Variants in PRRT4 observed in about 807,000 individuals in gnomAD.
The protein encoded by PRRT4 is proline-rich transmembrane protein 4.
Under a neutral mutation model 55.6 loss-of-function variants are expected in PRRT4, and 59 were observed. The observed-to-expected ratio is 1.06, with a 90% CI of 0.86 to 1.32. The LOEUF (loss-of-function observed/expected upper bound fraction) is 1.32, where lower values mean the gene tolerates loss of function less well. Among genes scored for constraint, PRRT4 ranks in the 40% most tolerant of loss-of-function variants. PRRT4 has a pLI of 0.00. For synonymous variants in PRRT4, 606 were observed against 601.8 expected (o/e 1.01, Z -0.10); for missense variants, 1,217 against 1,222.0 (o/e 1.00, Z 0.06).
intron 4 of PRRT4, 51 bp from the exon 6 acceptor site, chr7:128,352,729 C>T (rs1411990021): frequency 6.9e-7 from 1 of 1,450,976 alleles, no homozygotes; most frequent in Non-Finnish European, 9.1e-7. Flanking sequence ...CCTCCCCTTA[C>T]CCACCCCACA....
At position 128,357,715 on chromosome 7, in the gene PRRT4, G is replaced by T. The variant is rs374468594; in HGVS notation, c.877+966C>A. 1.6e-4 allele frequency among the ~76,000 whole-genome samples: 24 copies of T among 152,318 alleles called. 1 individual carries two copies. The highest frequency in any genetic ancestry group is 9.1e-4 in the Admixed American group (14 of 15,306). ...TCCACTGCTGAGCCTAGTGAGGGGT[G>T]ACTGAGAAGTTTCACAGCCACAGTA... On this transcript the variant is annotated intron_variant, in intron 4 of 4. Coordinates refer to ENST00000535159, the Ensembl canonical transcript of PRRT4.
exon 5 of PRRT4, chr7:128,351,501 T>C: frequency 1.3e-6 from 2 of 1,511,354 alleles, no homozygotes; most frequent in Non-Finnish European, 8.8e-7. Context: ...GTAGGAGGTC[T>C]GGGCCTGGCC....
chr7:128,356,934 C>T (rs1797123556), intron 4 of PRRT4, among the ~76,000 whole-genome samples: 1 of 152,138 alleles, frequency 6.6e-6, no homozygotes, highest in African/African-American at 2.4e-5. Flanking sequence ...AGGTGCCAGC[C>T]AATCAGAACT....
chr7:128,355,069 G>A (rs950399332), intron 4 of PRRT4, among the ~76,000 whole-genome samples: 5 of 152,120 alleles, frequency 3.3e-5, no homozygotes, highest in African/African-American at 9.7e-5. Context: ...TAAAGGCTGC[G>A]GTCTGTTTTC....
chr7:128,353,912 T>C (rs1311178140), intron 4 of PRRT4, among the ~76,000 whole-genome samples: 1 of 152,182 alleles, frequency 6.6e-6, no homozygotes, highest in African/African-American at 2.4e-5. Flanking sequence ...AGATCCTTAA[T>C]TCTACTCTTC....
intron 4 of PRRT4, among the ~76,000 whole-genome samples, chr7:128,356,426 G>GA (rs894016375): frequency 6.6e-6 from 1 of 152,030 alleles, no homozygotes. Context: ...GGGACAGGTG[G>GA]AAAAAAAACC....
chr7:128,356,255 A>T (rs1472947104), intron 4 of PRRT4, among the ~76,000 whole-genome samples: 1 of 152,180 alleles, frequency 6.6e-6, no homozygotes, highest in East Asian at 1.9e-4. Flanking sequence ...CTATCTCAAA[A>T]AAATAAATAA....
exon 2 of PRRT4, chr7:128,359,848 C>G: frequency 6.6e-7 from 1 of 1,507,666 alleles, no homozygotes. Context: ...GGTTGAGAGA[C>G]AGCATAGAGG....
chr7:128,361,103 T>TCTCTCTCTCACA (rs1450661437), intron 1 of PRRT4, among the ~76,000 whole-genome samples: 1 of 77,510 alleles, frequency 1.3e-5, no homozygotes, highest in African/African-American at 5.7e-5. Flanking sequence ...TCTCTCTCTC[T>TCTCTCTCTCACA]CACACACACA....
At chr7:128,350,862 G>T in exon 5 of PRRT4, 1 of 1,551,078 alleles carries the variant, frequency 6.4e-7, no homozygotes, top group South Asian at 1.2e-5. Context: ...CTCTTCACAG[G>T]TCTATGGTGT....
At chr7:128,359,520 C>A in exon 2 of PRRT4, 1 of 1,475,944 alleles carries the variant, frequency 6.8e-7, no homozygotes, top group South Asian at 1.4e-5. Context: ...ACCATCAGAG[C>A]AGTGTCCCAG....
exon 5 of PRRT4, chr7:128,351,094 C>A: frequency 2.6e-6 from 4 of 1,548,818 alleles, no homozygotes; most frequent in Middle Eastern, 3.3e-4. Context: ...CCTGTCGGGG[C>A]TGGAACACAG....
chr7:128,354,570 A>ACAC lies in PRRT4; in HGVS notation c.878-1893_878-1892insGTG, dbSNP rs1231440333. Reference sequence around the variant, plus strand: ...CAGAGCGAGACTCTGGCTCAAAAAAAACACACACACACACACACACACACA... The same window carrying ACAC: ...CAGAGCGAGACTCTGGCTCAAAAAAACACACACACACACACACACACACACACA... On this transcript the variant is annotated intron_variant, in intron 4 of 4. Transcript: ENST00000535159. Among the ~76,000 whole-genome samples the ACAC allele has an allele frequency of 7.3e-3, 612 of 83,588 alleles. 3 individuals carry two copies. The highest frequency in any genetic ancestry group is 0.02 in the African/African-American group (490 of 24,834). The allele number at this position is 83,588 out of a possible 152,430, so 54.8% of individuals were successfully genotyped here.
chr7:128,352,923 C>T (rs761535255), intron 4 of PRRT4, among the ~76,000 whole-genome samples: 1 of 151,860 alleles, frequency 6.6e-6, no homozygotes, highest in African/African-American at 2.4e-5. Context: ...CGCGCTCTGC[C>T]TCGGCCCCCC....
exon 5 of PRRT4, chr7:128,351,283 C>G: frequency 1.3e-6 from 2 of 1,541,526 alleles, no homozygotes; most frequent in Non-Finnish European, 8.7e-7. Flanking sequence ...GAGTCCGAGC[C>G]CAGGCAGAGC....
exon 5 of PRRT4, chr7:128,351,337 G>T: frequency 6.5e-7 from 1 of 1,546,818 alleles, no homozygotes; most frequent in East Asian, 2.4e-5. Context: ...CGCAAGCAGG[G>T]CCTCGCTGCA....
At chr7:128,352,964 T>C (rs6959356) in intron 4 of PRRT4, among the ~76,000 whole-genome samples, 90,942 of 151,722 alleles carry the variant, frequency 0.6, 30,140 homozygotes, top group Middle Eastern at 0.76. Context: ...TGTGATTCTA[T>C]TAAAGAGTTT....
At chr7:128,350,742 A>T, downstream of PRRT4, 1 of 1,461,552 alleles carries the variant, frequency 6.8e-7, no homozygotes, top group South Asian at 1.4e-5. Flanking sequence ...TGGGGAAGGA[A>T]TCTGGAGAGG....
At chr7:128,354,576 C>T (rs1473510985) in intron 4 of PRRT4, among the ~76,000 whole-genome samples, 3 of 147,542 alleles carry the variant, frequency 2.0e-5, no homozygotes, top group Non-Finnish European at 3.0e-5. Flanking sequence ...AAAAAACACA[C>T]ACACACACAC....
Sources: allele counts gnomAD v4.1 joint callset (sites outside exome capture counted in the v4.1 genomes callset), GRCh38; gene constraint gnomAD v4.1.1; transcripts MANE v1.5; gene names NCBI Gene and HGNC (gene_info 2026-07-23, HGNC 2026-07-21).